The following FAM227A variants were observed in gnomAD, a reference collection of about 807,000 sequenced individuals.
FAM227A encodes the protein protein FAM227A.
A neutral mutation model predicts 74.7 loss-of-function variants in FAM227A; 80 were observed. The observed-to-expected ratio is 1.07, with a 90% confidence interval of 0.89 to 1.29. The LOEUF is 1.29. Ranked by LOEUF, FAM227A falls within the 50% of genes most tolerant of loss-of-function variation. The pLI is 0.00. For synonymous variants in FAM227A, 237 were observed against 241.8 expected, an observed-to-expected ratio of 0.98 and a Z score of 0.19; for missense variants, 654 against 683.4, an observed-to-expected ratio of 0.96 and a Z score of 0.48.
rs139529593 is a variant in FAM227A at position 38,593,499 on chromosome 22, C to T, written c.1533-1959G>A. On this transcript the variant is annotated intron_variant, in intron 15 of 16. Transcript: ENST00000535113. ...CAGCCTGGGCGACAGAGCAAGACTCCGTCTCTAAAACAAAACAAAACAAAA... is the reference window on the plus strand; with the variant it reads ...CAGCCTGGGCGACAGAGCAAGACTCTGTCTCTAAAACAAAACAAAACAAAA... 9.7e-4 allele frequency among the ~76,000 whole-genome samples: 148 copies of T among 152,092 alleles called. 3 individuals are homozygous for T. The East Asian group carries it at 0.026, about 27-fold the overall frequency.
intron 11 of FAM227A, among the ~76,000 whole-genome samples, chr22:38,608,938 GGT>G (rs1206802907): frequency 1.3e-5 from 2 of 151,804 alleles, no homozygotes; most frequent in Non-Finnish European, 2.9e-5. Flanking sequence ...TGGGATTACA[GGT>G]GTGTGCCACC....
intron 8 of FAM227A, among the ~76,000 whole-genome samples, chr22:38,627,711 C>T (rs2091838654): frequency 6.6e-6 from 1 of 151,950 alleles, no homozygotes. Flanking sequence ...TTCATGTGAA[C>T]CCTGCCTCAG....
intron 4 of FAM227A, 53 bp downstream of exon 4, chr22:38,639,602 T>TA (rs753639354): frequency 6.6e-7 from 1 of 1,524,198 alleles, no homozygotes; most frequent in African/African-American, 1.4e-5. Context: ...TTTTAGATAC[T>TA]AAAAAAACAA....
rs1278096402 is a variant in FAM227A, at chr22:38,636,504, A to G, written c.466T>C (p.Cys156Arg). 4 of 1,551,700 alleles carry G rather than the reference A, an allele frequency of 2.6e-6. No homozygotes were observed. Among genetic ancestry groups the G allele is most frequent in the Admixed American group, 2.0e-5 (1 of 50,990 alleles). ...CGGACCACGTTGCCCACCATGTCAC[A>G]GAAGTCCACGCCATTCGGAAGCTTG... ...PNKLPNGVDF[C>R]DMVGNVVRAE... is the part of the protein sequence containing the mutation. The change falls in exon 6 of 17, where the codon TGT becomes CGT. Residue 156 changes from cysteine to arginine, a missense_variant. Physicochemically the swap from Cys to Arg is radical, Grantham distance 180. Coordinates refer to ENST00000535113, the MANE Select transcript of FAM227A (RefSeq NM_001013647.2).
intron 11 of FAM227A, among the ~76,000 whole-genome samples, chr22:38,611,600 T>C (rs908930587): frequency 2.0e-5 from 3 of 152,120 alleles, no homozygotes; most frequent in African/African-American, 4.8e-5. Context: ...GATAAAAACA[T>C]TGAGGCCTAG....
At chr22:38,625,351 T>C (rs1207889825) in intron 9 of FAM227A, among the ~76,000 whole-genome samples, 1 of 147,370 alleles carries the variant, frequency 6.8e-6, no homozygotes, top group Non-Finnish European at 1.5e-5. Flanking sequence ...ATTGTGCCAC[T>C]GCACTCCAGC....
chr22:38,591,973 G>A (rs947530134), intron 15 of FAM227A, among the ~76,000 whole-genome samples: 6 of 150,956 alleles, frequency 4.0e-5, no homozygotes, highest in African/African-American at 1.5e-4. Context: ...TTTTGAGATG[G>A]AGTCTTGCTC....
At chr22:38,610,397 G>A (rs1202388187) in intron 11 of FAM227A, among the ~76,000 whole-genome samples, 2 of 152,164 alleles carry the variant, frequency 1.3e-5, no homozygotes, top group African/African-American at 2.4e-5. Context: ...GGGGGTATTC[G>A]CTTGGGTTTC....
intron 13 of FAM227A, among the ~76,000 whole-genome samples, chr22:38,601,007 G>A (rs906829488): frequency 6.6e-6 from 1 of 151,436 alleles, no homozygotes; most frequent in Non-Finnish European, 1.5e-5. Flanking sequence ...GAGACTGGAA[G>A]GCTCTTACCA....
intron 11 of FAM227A, among the ~76,000 whole-genome samples, chr22:38,608,636 G>C (rs1308251182): frequency 6.6e-6 from 1 of 151,468 alleles, no homozygotes; most frequent in Admixed American, 6.6e-5. Flanking sequence ...TCACCATGAT[G>C]GTCAGGTTGG....
At chr22:38,620,553 C>T (rs574496539) in intron 10 of FAM227A, among the ~76,000 whole-genome samples, 1 of 152,232 alleles carries the variant, frequency 6.6e-6, no homozygotes, top group African/African-American at 2.4e-5. Context: ...CCTGTAATCC[C>T]AGCACTTTGG....
chr22:38,591,378 T>G (rs781335558), intron 16 of FAM227A, 57 bp downstream of exon 16: 210 of 1,532,494 alleles, frequency 1.4e-4, no homozygotes, highest in Admixed American at 8.7e-4. Flanking sequence ...CACTTCTACC[T>G]TTCCCATGGT....
intron 1 of FAM227A, among the ~76,000 whole-genome samples, chr22:38,652,204 T>C (rs933531593): frequency 6.6e-6 from 1 of 150,480 alleles, no homozygotes; most frequent in Non-Finnish European, 1.5e-5. Flanking sequence ...TAAATAAAGT[T>C]AACATATTTG....
Position 38,623,377 on chromosome 22 carries a change from C to T in FAM227A, c.851-98G>A, listed in dbSNP as rs1370981242. ...AGCCAAGGTGGGAGGATTGCTTGAG[C>T]CCAGGAGACCAGCCTAGGCAACATA... On this transcript the variant is annotated intron_variant, in intron 9 of 16. Transcript: ENST00000535113. The T allele has an allele frequency of 1.2e-5, 9 of 729,232 alleles. 1 individual carries two copies. Among genetic ancestry groups the T allele is most frequent in the African/African-American group, 3.5e-5 (2 of 56,768 alleles). 45.2% of individuals were successfully genotyped at this position (729,232 alleles called of 1,614,324 possible).
At position 38,580,087 on chromosome 22, in the gene FAM227A, A is replaced by G. The variant is rs1039006004; in HGVS notation, c.*6038T>C. On this transcript the variant is annotated 3_prime_UTR_variant, in exon 17 of 17. Coordinates refer to ENST00000535113, the MANE Select transcript of FAM227A (RefSeq NM_001013647.2). ...AGGCGTATGCCACCTTGCTCTGCTA[A>G]TTTTTACTTTTTTTGTAGAGACAAG... 1.5e-5 allele frequency: 2 copies of G among 130,922 alleles called. No individual in the cohort carries two copies. Among genetic ancestry groups the G allele is most frequent in the Admixed American group, 7.2e-5 (1 of 13,926 alleles). 8.1% of individuals were successfully genotyped at this position (130,922 alleles called of 1,614,324 possible).
intron 15 of FAM227A, among the ~76,000 whole-genome samples, chr22:38,593,920 G>A (rs1376627608): frequency 6.6e-6 from 1 of 152,042 alleles, no homozygotes; most frequent in Non-Finnish European, 1.5e-5. Context: ...TCAAACTCCT[G>A]ACCTCAAATG....
intron 16 of FAM227A, among the ~76,000 whole-genome samples, chr22:38,589,968 C>T (rs1027948094): frequency 1.4e-4 from 21 of 151,804 alleles, no homozygotes; most frequent in African/African-American, 4.4e-4. Context: ...AACAAAGGGC[C>T]GGGAATGGTG....
chr22:38,589,779 A>C (rs952801526), intron 16 of FAM227A, among the ~76,000 whole-genome samples: 6 of 152,178 alleles, frequency 3.9e-5, no homozygotes, highest in Admixed American at 1.3e-4. Flanking sequence ...TTTAACTTAG[A>C]ATTTTATTTC....
intron 12 of FAM227A, among the ~76,000 whole-genome samples, chr22:38,606,135 G>A (rs2091277420): frequency 1.3e-5 from 2 of 152,046 alleles, no homozygotes. Flanking sequence ...CTATGCCCCA[G>A]AGCCCATTGG....
Sources: allele counts gnomAD v4.1 joint callset (sites outside exome capture counted in the v4.1 genomes callset), GRCh38; gene constraint gnomAD v4.1.1; transcripts MANE v1.5; gene names NCBI Gene and HGNC (gene_info 2026-07-23, HGNC 2026-07-21).